Variants in CMTM4 observed in about 807,000 individuals in gnomAD.
The protein encoded by CMTM4 is CKLF like MARVEL transmembrane domain containing 4.
CMTM4 carries 8 observed loss-of-function variants against 19.0 expected under a neutral mutation model. That is an observed-to-expected ratio of 0.42 (90% CI 0.25 to 0.76). The LOEUF is 0.76. Among genes scored for constraint, CMTM4 ranks in the 30% least tolerant of loss-of-function variants. The pLI is 0.27. For missense variants in CMTM4, 228 were observed against 290.2 expected (o/e 0.79, Z 1.56); for synonymous variants, 106 against 121.1 (o/e 0.88, Z 0.82).
At chr16:66,694,423 T>C (rs1383280425) in intron 1 of CMTM4, among the ~76,000 whole-genome samples, 1 of 151,990 alleles carries the variant, frequency 6.6e-6, no homozygotes, top group African/African-American at 2.4e-5. Context: ...TAAAAGGCAA[T>C]TGCAGGCAGG....
intron 1 of CMTM4, among the ~76,000 whole-genome samples, chr16:66,657,128 A>C (rs2016412219): frequency 6.9e-6 from 1 of 145,802 alleles, no homozygotes; most frequent in African/African-American, 2.6e-5. Flanking sequence ...TCTGTCACCC[A>C]GGCTGGAGTG....
rs568214382 is a variant in CMTM4, at chr16:66,654,198, T to C, written c.187-17617A>G. On this transcript the variant is annotated intron_variant, in intron 1 of 3. Transcript: ENST00000394106. ...GGAAGAACATGGTTTTTAATCCCCA[T>C]CCTATTGACAAGCAAAGTGAAGCAA... 5.0e-3 allele frequency among the ~76,000 whole-genome samples: 764 copies of C among 152,196 alleles called. 1 individual carries two copies. Among genetic ancestry groups the C allele is most frequent in the African/African-American group, 0.017 (712 of 41,516 alleles).
rs550302611 is a variant in CMTM4 at position 66,694,074 on chromosome 16, G to A, written c.186+2266C>T. Among the ~76,000 whole-genome samples, 20 of 151,968 alleles carry A rather than the reference G, an allele frequency of 1.3e-4. No homozygotes were observed. In the South Asian group the frequency reaches 2.1e-3, roughly 16 times the overall value. Reference sequence around the variant, plus strand: ...GAAGAAAGAGAGAGGGAGAGAGCGCGAGGGAGAGAAAGAGAAAAGAGAAAA... The same window carrying A: ...GAAGAAAGAGAGAGGGAGAGAGCGCAAGGGAGAGAAAGAGAAAAGAGAAAA... On this transcript the variant is annotated intron_variant, in intron 1 of 3. Transcript: ENST00000394106.
rs1175703421 is a variant in CMTM4, at chr16:66,696,629, G to A, written c.-104C>T. 1.1e-5 allele frequency: 7 copies of A among 623,044 alleles called. No homozygotes were observed. Among genetic ancestry groups the A allele is most frequent in the Admixed American group, 6.6e-5 (1 of 15,112 alleles). 38.6% of individuals were successfully genotyped at this position (623,044 alleles called of 1,614,324 possible). ...CGCCGCCGCCGCCGCCGCCGCCGCC[G>A]CCCGACTGACTGCCCGCGGCCCGCC... On this transcript the variant is annotated 5_prime_UTR_variant, in exon 1 of 4. Transcript: ENST00000394106. This position sits in a 1 kb window ranked among gnomAD's most constrained non-coding sequence, Gnocchi z 4.3.
At chr16:66,654,555 A>C (rs2016365139) in intron 1 of CMTM4, among the ~76,000 whole-genome samples, 1 of 152,132 alleles carries the variant, frequency 6.6e-6, no homozygotes. Context: ...CCTCTACGTA[A>C]TATCACCAGG....
the CMTM4 span, among the ~76,000 whole-genome samples, chr16:66,599,316 G>T: frequency 6.6e-6 from 1 of 151,344 alleles, no homozygotes; most frequent in Non-Finnish European, 1.5e-5. Context: ...AAAACAGAAA[G>T]AAAAAATATA....
chr16:66,604,921 C>G, the CMTM4 span: 5 of 1,493,878 alleles, frequency 3.3e-6, no homozygotes, highest in South Asian at 2.5e-5. Context: ...TTCCTCTGCT[C>G]TCTCAAAGGC....
In CMTM4 at chr16:66,614,796, T is replaced by C. The variant is rs949623022; in HGVS notation, c.*7262A>G. Reference sequence around the variant, plus strand: ...AACAAGTTCCTTCATGACAATTTAATACAATAGTTATTAACGATTAGTGTT... The same window carrying C: ...AACAAGTTCCTTCATGACAATTTAACACAATAGTTATTAACGATTAGTGTT... On this transcript the variant is annotated 3_prime_UTR_variant, in exon 4 of 4. Coordinates refer to ENST00000394106, the MANE Select transcript of CMTM4 (RefSeq NM_181521.3). This position sits in a 1 kb window ranked among gnomAD's most constrained non-coding sequence, Gnocchi z 4.9. 1 of 152,238 alleles carries C rather than the reference T, an allele frequency of 6.6e-6. No individual in the cohort carries two copies. The highest frequency in any genetic ancestry group is 2.4e-5 in the African/African-American group (1 of 41,450). The allele number at this position is 152,238 out of a possible 1,614,324, so 9.4% of individuals were successfully genotyped here. A position where few individuals can be genotyped will look rare whatever the true frequency, so the allele number is the denominator to read the frequency against.
In CMTM4 at chr16:66,617,578, C is replaced by T. The variant is rs2015550877; in HGVS notation, c.*4480G>A. On this transcript the variant is annotated 3_prime_UTR_variant, in exon 4 of 4. Transcript: ENST00000394106. ...AACAGATATTGACGGTATTTTCTCT[C>T]ACAGTTTCTAAATAAAAGAAACATA... 1 of 1,288,432 alleles carries T rather than the reference C, an allele frequency of 7.8e-7. No individual in the cohort carries two copies. The highest frequency in any genetic ancestry group is 1.5e-5 in the African/African-American group (1 of 66,440). The allele number at this position is 1,288,432 out of a possible 1,614,324, so 79.8% of individuals were successfully genotyped here.
intron 2 of CMTM4, among the ~76,000 whole-genome samples, chr16:66,626,461 C>T (rs1055035098): frequency 2.6e-5 from 4 of 152,174 alleles, no homozygotes; most frequent in Non-Finnish European, 5.9e-5. Context: ...AAAAATTAGC[C>T]AGGCACGGTG....
intron 1 of CMTM4, among the ~76,000 whole-genome samples, chr16:66,649,280 A>AT (rs112553734): frequency 0.043 from 6,529 of 150,234 alleles, 253 homozygotes; most frequent in East Asian, 0.16. Context: ...TTAAAAGTCC[A>AT]TTTTTTTTTT....
the CMTM4 span, chr16:66,604,959 G>T: frequency 6.7e-7 from 1 of 1,497,232 alleles, no homozygotes; most frequent in East Asian, 2.9e-5. Flanking sequence ...GTCGGTGAGT[G>T]CGGCGGGACC....
At chr16:66,678,918 C>T (rs1404982376) in intron 1 of CMTM4, among the ~76,000 whole-genome samples, 1 of 152,016 alleles carries the variant, frequency 6.6e-6, no homozygotes, top group Non-Finnish European at 1.5e-5. Flanking sequence ...GCCTGGGCAA[C>T]ATGGCGAAAC....
chr16:66,642,222 A>C (rs992879798), intron 1 of CMTM4, among the ~76,000 whole-genome samples: 1 of 152,252 alleles, frequency 6.6e-6, no homozygotes, highest in Admixed American at 6.5e-5. Flanking sequence ...AAGGGAACCA[A>C]AGAGTCAAAA....
chr16:66,645,731 C>T (rs1294611329), intron 1 of CMTM4, among the ~76,000 whole-genome samples: 2 of 152,108 alleles, frequency 1.3e-5, no homozygotes, highest in African/African-American at 4.8e-5. Flanking sequence ...GTAATCCCAG[C>T]ACTTTGGGAG....
intron 1 of CMTM4, among the ~76,000 whole-genome samples, chr16:66,650,252 C>T (rs985899928): frequency 1.3e-5 from 2 of 152,142 alleles, no homozygotes; most frequent in Non-Finnish European, 2.9e-5. Flanking sequence ...TAGTTCCTCA[C>T]CAAAGTGCCT....
chr16:66,620,305 TG>T lies in CMTM4; in HGVS notation c.*1752del, dbSNP rs2144777183. On this transcript the variant is annotated 3_prime_UTR_variant, in exon 4 of 4. Coordinates refer to ENST00000394106, the MANE Select transcript of CMTM4 (RefSeq NM_181521.3). ...ACAGGCAGCACACCCAGCTGTGAGC[TG>T]GCCTGGCTGCCCTCTCTGTGGGAGC... is the stretch of plus-strand genomic sequence containing the variant. The T allele has an allele frequency of 4.1e-6, 4 of 985,456 alleles. No individual in the cohort carries two copies. In the South Asian group the frequency reaches 1.9e-4, roughly 46 times the overall value. 61.0% of individuals were successfully genotyped at this position (985,456 alleles called of 1,614,324 possible).
Position 66,696,219 on chromosome 16 carries a change from G to C in CMTM4, c.186+121C>G. ...CCCGGGACCCCACGAGGGAGAGGGG[G>C]CGCGAGGAGCGGGCTCCGGCCTGGG... is the stretch of plus-strand genomic sequence containing the variant. On this transcript the variant is annotated intron_variant, in intron 1 of 3. Coordinates refer to ENST00000394106, the MANE Select transcript of CMTM4 (RefSeq NM_181521.3). This position sits in a 1 kb window ranked among gnomAD's most constrained non-coding sequence, Gnocchi z 4.3. The C allele has an allele frequency of 1.6e-6, 1 of 644,718 alleles. No homozygotes were observed. Among genetic ancestry groups the C allele is most frequent in the Non-Finnish European group, 2.2e-6 (1 of 458,310 alleles). The allele number at this position is 644,718 out of a possible 1,614,324, so 39.9% of individuals were successfully genotyped here. A position where few individuals can be genotyped will look rare whatever the true frequency, so the allele number is the denominator to read the frequency against.
At position 66,642,236 on chromosome 16, in the gene CMTM4, G is replaced by C. The variant is rs184950197; in HGVS notation, c.187-5655C>G. Among the ~76,000 whole-genome samples the C allele has an allele frequency of 2.0e-5, 3 of 152,256 alleles. No homozygotes were observed. The East Asian group carries it at 5.8e-4, about 29-fold the overall frequency. On this transcript the variant is annotated intron_variant, in intron 1 of 3. Coordinates refer to ENST00000394106, the MANE Select transcript of CMTM4 (RefSeq NM_181521.3). ...CAAGGGAACCAAAGAGTCAAAAATA[G>C]TTCAACTTATAACAACCTTGAAGTG...
Sources: allele counts gnomAD v4.1 joint callset (sites outside exome capture counted in the v4.1 genomes callset), GRCh38; gene constraint gnomAD v4.1.1; non-coding constraint Gnocchi (gnomAD v3.1); transcripts MANE v1.5; gene names NCBI Gene and HGNC (gene_info 2026-07-23, HGNC 2026-07-21).